The following MYO5B variants were observed in gnomAD, a reference collection of about 807,000 sequenced individuals.
The protein encoded by MYO5B is myosin VB.
Under a neutral mutation model 229.3 loss-of-function variants are expected in MYO5B, and 143 were observed. The ratio of observed to expected loss-of-function variants is 0.62; its 90% CI spans 0.54 to 0.72. The LOEUF (loss-of-function observed/expected upper bound fraction) is 0.72. Among genes scored for constraint, MYO5B ranks in the 30% least tolerant of loss-of-function variants. The probability of loss-of-function intolerance (pLI) is 0.00; values close to 1 mark genes in which losing one functional copy is unlikely to be tolerated. For missense variants in MYO5B, 2,321 were observed against 2,331.0 expected, an observed-to-expected ratio of 1.00 and a Z score of 0.09; for synonymous variants, 918 against 885.2, an observed-to-expected ratio of 1.04 and a Z score of -0.66.
intron 1 of MYO5B, among the ~76,000 whole-genome samples, chr18:50,140,486 C>T (rs945830501): frequency 4.5e-4 from 68 of 152,124 alleles, no homozygotes; most frequent in African/African-American, 1.6e-3. Context: ...GGCTAATGGT[C>T]CTGAAGTTGG....
chr18:49,934,374 G>C (rs528084358), intron 16 of MYO5B, among the ~76,000 whole-genome samples: 1 of 152,304 alleles, frequency 6.6e-6, no homozygotes, highest in Non-Finnish European at 1.5e-5. Flanking sequence ...CTTTGTATTG[G>C]GAGGAAGATT....
chr18:49,880,123 T>G (rs1382299672), intron 23 of MYO5B, among the ~76,000 whole-genome samples: 1 of 152,174 alleles, frequency 6.6e-6, no homozygotes, highest in Admixed American at 6.5e-5. Flanking sequence ...ATGCTTCAAG[T>G]GCGGGCCTCC....
intron 14 of MYO5B, among the ~76,000 whole-genome samples, chr18:49,947,048 G>C (rs1219927297): frequency 2.7e-5 from 4 of 150,786 alleles, no homozygotes; most frequent in African/African-American, 9.7e-5. Context: ...CACCTGAGAA[G>C]TGTCCCAACT....
intron 37 of MYO5B, among the ~76,000 whole-genome samples, chr18:49,837,273 C>A (rs1305061965): frequency 6.6e-6 from 1 of 152,198 alleles, no homozygotes; most frequent in East Asian, 1.9e-4. Flanking sequence ...CAGTCTTTAA[C>A]TTAGAGTATG....
chr18:49,954,407 G>C lies in MYO5B; in HGVS notation c.1574C>G (p.Ala525Gly). 1 of 1,614,030 alleles carries C rather than the reference G, an allele frequency of 6.2e-7. No individual in the cohort carries two copies. The highest frequency in any genetic ancestry group is 8.5e-7 in the Non-Finnish European group (1 of 1,179,946). Residue 525 changes from alanine to glycine, a missense_variant, in exon 13 of 40, where the codon GCT (alanine) becomes GGT (glycine). This residue lies in a region of MYO5B where 2,113 missense variants were observed against 2,044.7 expected (regional missense o/e 1.03). Coordinates refer to ENST00000285039, the MANE Select transcript of MYO5B (RefSeq NM_001080467.3). ...GGAGTGCCGGTCATAGAGCTTCTGA[G>C]CCCAGTTCTGGTCAGTTCCTTTGGG... is the stretch of plus-strand genomic sequence containing the variant. ...KVPKGTDQNW[A>G]QKLYDRHSSS...
chr18:50,061,451 C>G (rs1305491482), intron 1 of MYO5B, among the ~76,000 whole-genome samples: 1 of 152,048 alleles, frequency 6.6e-6, no homozygotes, highest in African/African-American at 2.4e-5. Flanking sequence ...AAATAAGAAA[C>G]CTAAGGTGGT....
At chr18:50,055,446 T>C (rs2030523305) in intron 1 of MYO5B, 68 bp from the exon 2 acceptor site, 1 of 1,340,884 alleles carries the variant, frequency 7.5e-7, no homozygotes, top group Non-Finnish European at 1.1e-6. Flanking sequence ...TGTGTGTCAC[T>C]ACCTAGAAAG....
intron 1 of MYO5B, among the ~76,000 whole-genome samples, chr18:50,130,660 C>T (rs577801341): frequency 6.0e-4 from 92 of 152,274 alleles, no homozygotes; most frequent in Admixed American, 8.5e-4. Flanking sequence ...GAACACCAGG[C>T]CTGAATTCTA....
At chr18:49,965,783 A>C (rs2144266473) in intron 10 of MYO5B, among the ~76,000 whole-genome samples, 1 of 152,294 alleles carries the variant, frequency 6.6e-6, no homozygotes, top group East Asian at 1.9e-4. Context: ...TTTCATGAAA[A>C]AGGAAAAACA....
chr18:50,036,190 A>T (rs1257205916), intron 4 of MYO5B, among the ~76,000 whole-genome samples: 1 of 152,194 alleles, frequency 6.6e-6, no homozygotes, highest in Non-Finnish European at 1.5e-5. Context: ...ATTTCCCCCA[A>T]AACATTGATA....
At chr18:49,955,679 A>G (rs1183410781) in intron 12 of MYO5B, among the ~76,000 whole-genome samples, 2 of 152,244 alleles carry the variant, frequency 1.3e-5, no homozygotes, top group Non-Finnish European at 2.9e-5. Context: ...AATGCTAAAC[A>G]CCATAGGAAA....
At chr18:49,967,999 A>G (rs936343730) in intron 10 of MYO5B, among the ~76,000 whole-genome samples, 1 of 152,100 alleles carries the variant, frequency 6.6e-6, no homozygotes, top group Non-Finnish European at 1.5e-5. Flanking sequence ...TGAAACTCCA[A>G]TGCAGGACAG....
intron 1 of MYO5B, among the ~76,000 whole-genome samples, chr18:50,141,338 T>A (rs2032414175): frequency 2.6e-5 from 4 of 152,330 alleles, no homozygotes; most frequent in South Asian, 4.1e-4. Flanking sequence ...TTACCTGTAA[T>A]TAAAAATAGG....
chr18:49,930,620 C>T lies in MYO5B; in HGVS notation c.2004-1022G>A, dbSNP rs368736076. Among the ~76,000 whole-genome samples, 29 of 152,204 alleles carry T rather than the reference C, an allele frequency of 1.9e-4. No homozygotes were observed. The South Asian group carries it at 3.3e-3, about 17-fold the overall frequency. ...AAAAACTAATAAGAAGGGCTGGATG[C>T]GGTGCCTCATGCCTGTAATCCCAGT... On this transcript the variant is annotated intron_variant, in intron 16 of 39. Transcript: ENST00000285039.
At chr18:50,055,404 T>C (rs779462395) in intron 1 of MYO5B, 26 bp from the exon 2 acceptor site, 2 of 1,576,794 alleles carry the variant, frequency 1.3e-6, no homozygotes, top group Admixed American at 1.7e-5. Context: ...AGAAGAAACT[T>C]AGATACAGAA....
chr18:49,912,470 C>G (rs2024969148), intron 17 of MYO5B, among the ~76,000 whole-genome samples: 1 of 152,144 alleles, frequency 6.6e-6, no homozygotes, highest in Admixed American at 6.5e-5. Context: ...TGTGTCCCCA[C>G]CCAAATCTCA....
At chr18:50,022,839 C>T (rs934916812) in intron 4 of MYO5B, among the ~76,000 whole-genome samples, 5 of 152,012 alleles carry the variant, frequency 3.3e-5, no homozygotes, top group African/African-American at 7.2e-5. Context: ...GGCCCTTTAC[C>T]CCCACCTCCT....
At chr18:50,134,554 C>CAATAAATAAATAAATAAATA (rs57536679) in intron 1 of MYO5B, among the ~76,000 whole-genome samples, 1 of 141,412 alleles carries the variant, frequency 7.1e-6, no homozygotes, top group African/African-American at 2.7e-5. Flanking sequence ...GACTCCATCT[C>CAATAAATAAATAAATAAATA]AATAAATAAA....
At chr18:49,987,274 AC>A (rs2025880436) in intron 7 of MYO5B, among the ~76,000 whole-genome samples, 1 of 152,132 alleles carries the variant, frequency 6.6e-6, no homozygotes, top group African/African-American at 2.4e-5. Context: ...ATGATCTGAA[AC>A]CAATCAAAAT....
Sources: allele counts gnomAD v4.1 joint callset (sites outside exome capture counted in the v4.1 genomes callset), GRCh38; gene constraint gnomAD v4.1.1; regional missense constraint gnomAD v4.1.1; transcripts MANE v1.5; gene names NCBI Gene and HGNC (gene_info 2026-07-23, HGNC 2026-07-21).